COL4A1: variants seen among roughly 807,000 people sequenced by gnomAD.
COL4A1 encodes the protein collagen alpha-1(IV) chain.
A neutral mutation model predicts 216.6 loss-of-function variants in COL4A1; 40 were observed. The ratio of observed to expected loss-of-function variants is 0.18; its 90% confidence interval spans 0.14 to 0.24. COL4A1 has a LOEUF of 0.24. COL4A1 is among the 10% of genes least tolerant of loss of function. The pLI is 1.00. For missense variants in COL4A1, 1,628 were observed against 2,196.8 expected (o/e 0.74, Z 5.18); for synonymous variants, 839 against 810.7 (o/e 1.03, Z -0.59).
rs1566385553 is a variant in COL4A1 at position 110,219,820 on chromosome 13, A to ATATATG, written c.145-5806_145-5805insCATATA. 3.0e-4 allele frequency among the ~76,000 whole-genome samples: 31 copies of ATATATG among 104,350 alleles called. No individual in the cohort carries two copies. In the East Asian group the frequency reaches 6.5e-3, roughly 22 times the overall value. The allele number at this position is 104,350 out of a possible 152,430, so 68.5% of individuals were successfully genotyped here. A position where few individuals can be genotyped will look rare whatever the true frequency, so the allele number is the denominator to read the frequency against. The stretch of plus-strand genomic sequence containing the variant: ...TATATGTATATATGTGTATATATGT[A>ATATATG]TATATATGTATGTATGTATATATGT... On this transcript the variant is annotated intron_variant, in intron 2 of 51. Coordinates refer to ENST00000375820, the MANE Select transcript of COL4A1 (RefSeq NM_001845.6).
At chr13:110,194,334 T>C (rs1878778825) in intron 22 of COL4A1, among the ~76,000 whole-genome samples, 1 of 152,224 alleles carries the variant, frequency 6.6e-6, no homozygotes, top group Non-Finnish European at 1.5e-5. Flanking sequence ...TGGGGTTGAT[T>C]TGAGGGACAG....
intron 19 of COL4A1, among the ~76,000 whole-genome samples, 187 bp from the exon 20 acceptor site, chr13:110,201,076 C>A (rs1457828589): frequency 1.3e-5 from 2 of 152,154 alleles, no homozygotes; most frequent in East Asian, 3.9e-4. Flanking sequence ...AAAGCTACAG[C>A]GAAGGGCTCC....
At chr13:110,157,935 A>G (rs554000988) in intron 49 of COL4A1, among the ~76,000 whole-genome samples, 5 of 152,304 alleles carry the variant, frequency 3.3e-5, no homozygotes, top group Admixed American at 6.5e-5. Context: ...GCTCCTGTCA[A>G]GGAGCTCTGA....
intron 50 of COL4A1, 53 bp downstream of exon 50, chr13:110,155,229 TG>T: frequency 7.5e-7 from 1 of 1,334,046 alleles, no homozygotes; most frequent in Non-Finnish European, 1.1e-6. Context: ...GAGGCGACTA[TG>T]GGGCGTGAGT....
At chr13:110,171,966 A>G (rs1877663291) in intron 41 of COL4A1, among the ~76,000 whole-genome samples, 1 of 152,202 alleles carries the variant, frequency 6.6e-6, no homozygotes, top group Non-Finnish European at 1.5e-5. Context: ...CATGCCTGCC[A>G]AGGAAACACT....
At chr13:110,292,441 G>A (rs1402808472) in intron 1 of COL4A1, among the ~76,000 whole-genome samples, 1 of 152,136 alleles carries the variant, frequency 6.6e-6, no homozygotes, top group Non-Finnish European at 1.5e-5. Flanking sequence ...TTTCCAATCT[G>A]GAGGTGGTTA....
At chr13:110,253,805 GTA>G (rs1443261775) in intron 1 of COL4A1, among the ~76,000 whole-genome samples, 4 of 58,380 alleles carry the variant, frequency 6.9e-5, no homozygotes, top group Non-Finnish European at 2.1e-4. Context: ...ACGTATATAT[GTA>G]TAATTATACG....
At chr13:110,299,116 G>T (rs1220497914) in intron 1 of COL4A1, among the ~76,000 whole-genome samples, 3 of 152,204 alleles carry the variant, frequency 2.0e-5, no homozygotes, top group Non-Finnish European at 4.4e-5. Context: ...AGAAGACAAA[G>T]AGAACGGGGA....
intron 1 of COL4A1, among the ~76,000 whole-genome samples, chr13:110,304,325 C>G (rs1884604014): frequency 6.6e-6 from 1 of 152,170 alleles, no homozygotes; most frequent in Non-Finnish European, 1.5e-5. Context: ...AGTTTGAACT[C>G]TAGGTCATTC....
At chr13:110,286,373 A>T (rs1883844643) in intron 1 of COL4A1, among the ~76,000 whole-genome samples, 1 of 152,190 alleles carries the variant, frequency 6.6e-6, no homozygotes, top group South Asian at 2.1e-4. Flanking sequence ...GAGCAGGCTA[A>T]AGGGAGAGAT....
In COL4A1 at chr13:110,248,901, T is replaced by C. The variant is rs9559750; in HGVS notation, c.85-6167A>G. On this transcript the variant is annotated intron_variant, in intron 1 of 51. Transcript: ENST00000375820. ...AGCAGGCACTCACACTTTTTTCGGA[T>C]AGCGAAACCTCAAAGACTGCACGTG... 3.6e-3 allele frequency among the ~76,000 whole-genome samples: 548 copies of C among 152,290 alleles called. 3 individuals are homozygous for C. Among genetic ancestry groups the C allele is most frequent in the East Asian group, 0.023 (119 of 5,174 alleles).
intron 21 of COL4A1, 145 bp downstream of exon 21, chr13:110,198,322 T>G (rs1879001194): frequency 2.4e-6 from 2 of 843,922 alleles, no homozygotes; most frequent in Non-Finnish European, 3.7e-6. Context: ...GAAGATTCCC[T>G]TAGAGGAATA....
Position 110,177,879 on chromosome 13 carries a change from T to G in COL4A1, c.2679A>C (p.Pro893=), listed in dbSNP as rs1042956347. The change falls in exon 33 of 52, where the codon CCA becomes CCC. Residue 893 remains proline, a synonymous_variant. Coordinates refer to ENST00000375820, the MANE Select transcript of COL4A1 (RefSeq NM_001845.6). ...VMGTPGQPGS[P]GPVGAPGLPG... ...GTAATCCAGGAGCACCCACTGGTCC[T>G]GGTGAGCCCGGCTGCCCGGGGGTCC... 13 of 1,614,158 alleles carry G rather than the reference T, an allele frequency of 8.1e-6. No homozygotes were observed. The highest frequency in any genetic ancestry group is 1.1e-5 in the Non-Finnish European group (13 of 1,180,020).
intron 40 of COL4A1, 57 bp from the exon 41 acceptor site, chr13:110,172,827 G>T: frequency 7.0e-7 from 1 of 1,426,566 alleles, no homozygotes; most frequent in Non-Finnish European, 9.9e-7. Context: ...CCATCTGCAG[G>T]TACAACACAA....
chr13:110,306,814 G>C lies in COL4A1; in HGVS notation c.84+130C>G, dbSNP rs371746408. On this transcript the variant is annotated intron_variant, in intron 1 of 51. Coordinates refer to ENST00000375820, the MANE Select transcript of COL4A1 (RefSeq NM_001845.6). The stretch of plus-strand genomic sequence containing the variant: ...GACCCCCAACGAACCCCGGCCCAGA[G>C]AATGCACCTGGCCGTGCCACGCGCG... 253 of 791,294 alleles carry C rather than the reference G, an allele frequency of 3.2e-4. 1 individual carries two copies. The African/African-American group carries it at 4.4e-3, about 14-fold the overall frequency. 49.0% of individuals were successfully genotyped at this position (791,294 alleles called of 1,614,324 possible).
intron 8 of COL4A1, among the ~76,000 whole-genome samples, chr13:110,210,642 A>T (rs568223107): frequency 6.6e-6 from 1 of 152,234 alleles, no homozygotes; most frequent in African/African-American, 2.4e-5. Flanking sequence ...TTTATCTGCC[A>T]ACTTGGCTAG....
At chr13:110,228,902 A>G (rs1386745599) in intron 2 of COL4A1, among the ~76,000 whole-genome samples, 2 of 152,234 alleles carry the variant, frequency 1.3e-5, no homozygotes, top group African/African-American at 4.8e-5. Context: ...AAAACCACAG[A>G]CAGTGAGGAA....
Position 110,192,298 on chromosome 13 carries a change from G to C in COL4A1, c.1466-14C>G, listed in dbSNP as rs761138416. ...GCCCTGGGAAACCTTTCGTGAGAGA[G>C]AGGGAAAAAGACAGCAACACAGCAT... On this transcript the variant is annotated splice_polypyrimidine_tract_variant and intron_variant, in intron 23 of 51. Coordinates refer to ENST00000375820, the MANE Select transcript of COL4A1 (RefSeq NM_001845.6). 6 of 1,613,386 alleles carry C rather than the reference G, an allele frequency of 3.7e-6. No homozygotes were observed. Among genetic ancestry groups the C allele is most frequent in the East Asian group, 2.2e-5 (1 of 44,894 alleles).
At chr13:110,198,974 C>A (rs1034771534) in intron 20 of COL4A1, among the ~76,000 whole-genome samples, 11 of 152,188 alleles carry the variant, frequency 7.2e-5, no homozygotes, top group Non-Finnish European at 1.0e-4. Flanking sequence ...ATAGAAATGT[C>A]ATTCAACAAA....
Sources: gnomAD v4.1 joint callset for allele counts (sites outside exome capture counted in the v4.1 genomes callset) on GRCh38, gnomAD v4.1.1 for gene constraint, MANE v1.5 for transcripts, NCBI Gene and HGNC (gene_info 2026-07-23, HGNC 2026-07-21) for gene names.